The following CDH12 variants were observed in gnomAD, a reference collection of about 807,000 sequenced individuals.
CDH12 encodes cadherin-12.
A neutral mutation model predicts 74.1 loss-of-function variants in CDH12; 41 were observed. The observed-to-expected ratio is 0.55, with a 90% CI of 0.43 to 0.72. CDH12 has a LOEUF of 0.72. Ranked by LOEUF, CDH12 falls within the 30% of genes least tolerant of loss-of-function variation. The pLI is 0.00. For synonymous variants in CDH12, 399 were observed against 355.0 expected (o/e 1.12, Z -1.39); for missense variants, 945 against 977.2 (o/e 0.97, Z 0.44).
intron 2 of CDH12, among the ~76,000 whole-genome samples, chr5:22,431,267 T>C (rs1026345707): frequency 1.3e-5 from 2 of 152,142 alleles, no homozygotes; most frequent in Admixed American, 6.6e-5. Flanking sequence ...TAGTCAACAA[T>C]GGATCCATAT....
chr5:22,302,705 T>C (rs1014883063), intron 3 of CDH12, among the ~76,000 whole-genome samples: 2 of 152,072 alleles, frequency 1.3e-5, no homozygotes, highest in African/African-American at 4.8e-5. Context: ...TGAAAACATA[T>C]GTATCTAGAG....
At chr5:21,877,152 T>C (rs1178559569) in intron 6 of CDH12, among the ~76,000 whole-genome samples, 2 of 152,042 alleles carry the variant, frequency 1.3e-5, no homozygotes, top group Non-Finnish European at 2.9e-5. Context: ...GCAGTGATCC[T>C]AGATTGCACC....
At chr5:21,917,257 G>A (rs938829375) in intron 6 of CDH12, among the ~76,000 whole-genome samples, 4 of 152,134 alleles carry the variant, frequency 2.6e-5, no homozygotes, top group Non-Finnish European at 4.4e-5. Context: ...TGACCTGGCC[G>A]CATATGGGAA....
intron 8 of CDH12, among the ~76,000 whole-genome samples, chr5:21,835,649 C>T (rs1188522896): frequency 6.6e-6 from 1 of 151,748 alleles, no homozygotes; most frequent in Non-Finnish European, 1.5e-5. Flanking sequence ...CAAAGAAATA[C>T]ACTTTGTGGC....
At chr5:21,861,526 TG>T (rs1751043915) in intron 6 of CDH12, among the ~76,000 whole-genome samples, 1 of 152,144 alleles carries the variant, frequency 6.6e-6, no homozygotes, top group African/African-American at 2.4e-5. Context: ...TGTTTTCCAG[TG>T]TAATTTCTTG....
At chr5:22,234,682 A>G (rs1226808504) in intron 3 of CDH12, among the ~76,000 whole-genome samples, 1 of 151,328 alleles carries the variant, frequency 6.6e-6, no homozygotes, top group Non-Finnish European at 1.5e-5. Context: ...TTATATGTGA[A>G]TGTGCATATA....
In CDH12 at chr5:21,969,426, C is replaced by G. The variant is rs370642620; in HGVS notation, c.526+5665G>C. Among the ~76,000 whole-genome samples the G allele has an allele frequency of 2.0e-4, 30 of 152,228 alleles. No individual in the cohort carries two copies. In the South Asian group the frequency reaches 5.2e-3, roughly 26 times the overall value. ...GAATATGGCAGAAGGGATGTGATGT[C>G]ACTTTCAAGATTAGGTTATAAATAG... On this transcript the variant is annotated intron_variant, in intron 6 of 14. Transcript: ENST00000382254.
chr5:22,751,336 A>G (rs1283851768), intron 1 of CDH12, among the ~76,000 whole-genome samples: 1 of 59,090 alleles, frequency 1.7e-5, no homozygotes, highest in East Asian at 5.3e-4. Context: ...TATATATAAT[A>G]TACATATATA....
intron 1 of CDH12, among the ~76,000 whole-genome samples, chr5:22,529,522 C>A (rs959304919): frequency 2.6e-5 from 4 of 152,042 alleles, no homozygotes; most frequent in Admixed American, 2.0e-4. Context: ...GAGAGTCAGC[C>A]TTTTGGTTCC....
chr5:22,569,794 C>T (rs550886795), intron 1 of CDH12, among the ~76,000 whole-genome samples: 21 of 152,230 alleles, frequency 1.4e-4, no homozygotes, highest in Middle Eastern at 3.4e-3. Flanking sequence ...ATCTACCATA[C>T]TTGCAGTTAC....
chr5:22,707,656 T>C (rs182503325), intron 1 of CDH12, among the ~76,000 whole-genome samples: 10 of 152,318 alleles, frequency 6.6e-5, no homozygotes, highest in African/African-American at 2.4e-4. Flanking sequence ...TAAAAACAGT[T>C]GGCTGCTCCA....
At chr5:22,314,125 A>G (rs1738509403) in intron 3 of CDH12, among the ~76,000 whole-genome samples, 1 of 152,142 alleles carries the variant, frequency 6.6e-6, no homozygotes, top group Non-Finnish European at 1.5e-5. Context: ...GGGCATATGG[A>G]GCTTGAGATG....
At chr5:21,859,859 G>C (rs1168963209) in intron 6 of CDH12, among the ~76,000 whole-genome samples, 1 of 151,964 alleles carries the variant, frequency 6.6e-6, no homozygotes, top group Admixed American at 6.6e-5. Context: ...TGGAGGTAAA[G>C]AAGAGTATGT....
At chr5:22,549,748 T>C (rs961474635) in intron 1 of CDH12, among the ~76,000 whole-genome samples, 1 of 152,202 alleles carries the variant, frequency 6.6e-6, no homozygotes, top group East Asian at 1.9e-4. Context: ...TGTGAGATAA[T>C]TGAATGTTGA....
chr5:22,345,713 A>T (rs1740079453), intron 3 of CDH12, among the ~76,000 whole-genome samples: 1 of 152,172 alleles, frequency 6.6e-6, no homozygotes, highest in Non-Finnish European at 1.5e-5. Flanking sequence ...TTTAAAAGAA[A>T]ATATTTTAAA....
intron 6 of CDH12, among the ~76,000 whole-genome samples, chr5:21,894,715 GT>G (rs200519594): frequency 6.6e-6 from 1 of 151,982 alleles, no homozygotes; most frequent in African/African-American, 2.4e-5. Context: ...AGGACTCCAG[GT>G]TTTTTTGACC....
intron 1 of CDH12, among the ~76,000 whole-genome samples, chr5:22,588,827 C>G (rs962211420): frequency 6.6e-6 from 1 of 152,172 alleles, no homozygotes; most frequent in African/African-American, 2.4e-5. Context: ...TTCTGGACCA[C>G]ATTCCTTTTT....
At chr5:21,804,757 C>T (rs1561199623) in intron 9 of CDH12, among the ~76,000 whole-genome samples, 1 of 150,914 alleles carries the variant, frequency 6.6e-6, no homozygotes, top group Non-Finnish European at 1.5e-5. Context: ...GATGAAAAGA[C>T]AAGACTTGCC....
intron 3 of CDH12, among the ~76,000 whole-genome samples, chr5:22,341,958 A>G (rs550207144): frequency 1.4e-4 from 22 of 152,058 alleles, no homozygotes; most frequent in Non-Finnish European, 2.9e-4. Context: ...GGCAGCGTAA[A>G]CAGTGAACTT....
Sources: allele counts gnomAD v4.1 joint callset (sites outside exome capture counted in the v4.1 genomes callset), GRCh38; gene constraint gnomAD v4.1.1; transcripts MANE v1.5; gene names NCBI Gene and HGNC (gene_info 2026-07-23, HGNC 2026-07-21).